Variants in THADA observed in about 807,000 individuals in gnomAD.
THADA encodes tRNA (32-2'-O)-methyltransferase regulator THADA.
A neutral mutation model predicts 219.8 loss-of-function variants in THADA; 213 were observed. The observed-to-expected ratio is 0.97, with a 90% CI of 0.87 to 1.09. The LOEUF (loss-of-function observed/expected upper bound fraction) is 1.09, where lower values mean the gene tolerates loss of function less well. THADA is among the 50% of genes least tolerant of loss of function. The pLI is 0.00. For synonymous variants in THADA, 1,018 were observed against 828.9 expected (o/e 1.23, Z -3.92); for missense variants, 2,956 against 2,311.3 (o/e 1.28, Z -5.72).
At chr2:43,311,339 T>C (rs1163772877) in intron 31 of THADA, among the ~76,000 whole-genome samples, 1 of 152,140 alleles carries the variant, frequency 6.6e-6, no homozygotes, top group Non-Finnish European at 1.5e-5. Flanking sequence ...AGCACTAGGA[T>C]GGCTATTAAT....
chr2:43,578,031 T>C (rs1700037527), intron 9 of THADA, among the ~76,000 whole-genome samples: 1 of 152,194 alleles, frequency 6.6e-6, no homozygotes, highest in South Asian at 2.1e-4. Context: ...ATTGTCTTTT[T>C]GTTATTGTTG....
chr2:43,525,427 T>C (rs555526807), intron 22 of THADA, among the ~76,000 whole-genome samples: 2 of 152,190 alleles, frequency 1.3e-5, no homozygotes, highest in African/African-American at 2.4e-5. Context: ...AGCAATGCAA[T>C]GAGACTTCCA....
chr2:43,477,243 TGA>T (rs372274663), intron 26 of THADA, among the ~76,000 whole-genome samples: 113 of 147,716 alleles, frequency 7.6e-4, no homozygotes, highest in Non-Finnish European at 9.5e-4. Context: ...ATATGTTCTT[TGA>T]GAGAGAGAGA....
rs749761963 is a variant in THADA, at chr2:43,527,992, T to TA, written c.3265-5dup. 683 of 1,558,858 alleles carry TA rather than the reference T, an allele frequency of 4.4e-4. 2 individuals are homozygous for TA. The highest frequency in any genetic ancestry group is 3.7e-4 in the Non-Finnish European group (426 of 1,140,754). On this transcript the variant is annotated splice_region_variant and splice_polypyrimidine_tract_variant and intron_variant, in intron 21 of 37. Transcript: ENST00000405975. ...AGTAATCTCCTATTTCTTTTACCTT[T>TA]AAAAAAAAAGCAAAAACAAATGTCC...
chr2:43,473,888 T>C (rs1318706106), intron 26 of THADA, among the ~76,000 whole-genome samples: 8 of 152,116 alleles, frequency 5.3e-5, no homozygotes, highest in Non-Finnish European at 8.8e-5. Flanking sequence ...GGATTACGGG[T>C]GTGAGCCACC....
chr2:43,287,869 T>C (rs535831130), intron 34 of THADA, among the ~76,000 whole-genome samples: 163 of 152,330 alleles, frequency 1.1e-3, no homozygotes, highest in African/African-American at 3.8e-3. Context: ...GTAGTATCTG[T>C]GCACTTTCAA....
intron 22 of THADA, among the ~76,000 whole-genome samples, chr2:43,516,205 G>A (rs1245604054): frequency 6.6e-6 from 1 of 152,078 alleles, no homozygotes; most frequent in Non-Finnish European, 1.5e-5. Flanking sequence ...CACTATTATA[G>A]TCTATTATCA....
chr2:43,349,654 T>C (rs1194655362), intron 29 of THADA, among the ~76,000 whole-genome samples: 1 of 151,976 alleles, frequency 6.6e-6, no homozygotes, highest in African/African-American at 2.4e-5. Context: ...GATCCAGCAA[T>C]AACAGGACAA....
intron 31 of THADA, among the ~76,000 whole-genome samples, chr2:43,310,115 A>C (rs1167205365): frequency 6.6e-6 from 1 of 152,078 alleles, no homozygotes; most frequent in South Asian, 2.1e-4. Context: ...TAAAGACATC[A>C]TATTGTTATG....
At chr2:43,538,732 C>G (rs1694927074) in intron 21 of THADA, among the ~76,000 whole-genome samples, 1 of 152,214 alleles carries the variant, frequency 6.6e-6, no homozygotes. Context: ...AACCAGGTAA[C>G]ATCCAGGGTT....
intron 22 of THADA, among the ~76,000 whole-genome samples, 174 bp from the exon 23 acceptor site, chr2:43,508,954 G>A (rs765593234): frequency 6.6e-6 from 1 of 152,070 alleles, no homozygotes; most frequent in East Asian, 1.9e-4. Context: ...TGGGTCTTAA[G>A]ATCTAAAGAT....
chr2:43,404,551 A>G (rs1044274492), intron 28 of THADA, among the ~76,000 whole-genome samples: 1 of 151,906 alleles, frequency 6.6e-6, no homozygotes, highest in Admixed American at 6.6e-5. Flanking sequence ...ATCAGAATCA[A>G]TCACTTCCTT....
At chr2:43,418,969 G>T (rs2104783622) in intron 28 of THADA, among the ~76,000 whole-genome samples, 1 of 152,326 alleles carries the variant, frequency 6.6e-6, no homozygotes, top group African/African-American at 2.4e-5. Context: ...GGAAGAAGCG[G>T]CCAGGCTGCA....
At chr2:43,536,314 T>C (rs1694598375) in intron 21 of THADA, among the ~76,000 whole-genome samples, 1 of 152,200 alleles carries the variant, frequency 6.6e-6, no homozygotes. Flanking sequence ...ATGTGTCTGT[T>C]TGTACACCAG....
At chr2:43,530,487 C>T (rs1340816271) in intron 21 of THADA, among the ~76,000 whole-genome samples, 2 of 152,110 alleles carry the variant, frequency 1.3e-5, no homozygotes, top group East Asian at 3.8e-4. Flanking sequence ...CACCAGTTAG[C>T]TTATTTGTAA....
chr2:43,245,247 A>G (rs1356095542), intron 36 of THADA, among the ~76,000 whole-genome samples: 2 of 127,802 alleles, frequency 1.6e-5, no homozygotes, highest in African/African-American at 6.4e-5. Flanking sequence ...ATCTCGGCTC[A>G]CTGCAACCTC....
intron 28 of THADA, among the ~76,000 whole-genome samples, chr2:43,411,125 T>G (rs969627132): frequency 1.3e-5 from 2 of 152,158 alleles, no homozygotes; most frequent in Admixed American, 6.6e-5. Context: ...ACAAAAAAAT[T>G]TTTTTGGACA....
rs1214876011 is a variant in THADA, at chr2:43,574,529, C to G, written c.1536G>C (p.Gln512His). 3 of 1,613,864 alleles carry G rather than the reference C, an allele frequency of 1.9e-6. No homozygotes were observed. In the South Asian group the frequency reaches 3.3e-5, roughly 18 times the overall value. The change falls in exon 11 of 38, where the codon CAG becomes CAC. Residue 512 changes from glutamine (Q) to histidine (H), a missense_variant. Coordinates refer to ENST00000405975, the MANE Select transcript of THADA (RefSeq NM_022065.5). Reference sequence around the variant, plus strand: ...GGTCAATCCAAGAACTCTCAGCAGTCTGGGATTTCAAATGACTCTTATGAT... The same window carrying G: ...GGTCAATCCAAGAACTCTCAGCAGTGTGGGATTTCAAATGACTCTTATGAT... Reference protein sequence around the residue: ...FRNHKSHLKSQTAESSWIDQW... With the variant: ...FRNHKSHLKSHTAESSWIDQW...
At chr2:43,390,119 A>G (rs1418390335) in intron 29 of THADA, among the ~76,000 whole-genome samples, 1 of 152,172 alleles carries the variant, frequency 6.6e-6, no homozygotes, top group Non-Finnish European at 1.5e-5. Flanking sequence ...TCATACCAGA[A>G]AGCAGAGGAA....
Sources: gnomAD v4.1 joint callset for allele counts (sites outside exome capture counted in the v4.1 genomes callset) on GRCh38, gnomAD v4.1.1 for gene constraint, MANE v1.5 for transcripts, NCBI Gene and HGNC (gene_info 2026-07-23, HGNC 2026-07-21) for gene names.